Variants in ABCC4 observed in about 807,000 individuals in gnomAD.
The protein encoded by ABCC4 is ATP binding cassette subfamily C member 4 (PEL blood group).
Under a neutral mutation model 168.5 loss-of-function variants are expected in ABCC4, and 102 were observed. That is an observed-to-expected ratio of 0.61 (90% CI 0.52 to 0.71). The LOEUF (loss-of-function observed/expected upper bound fraction) is 0.71. ABCC4 is among the 30% of genes least tolerant of loss of function. The probability of loss-of-function intolerance (pLI) is 0.00; values close to 1 mark genes in which losing one functional copy is unlikely to be tolerated. For synonymous variants in ABCC4, 617 were observed against 590.7 expected (o/e 1.04, Z -0.65); for missense variants, 1,402 against 1,605.8 (o/e 0.87, Z 2.17).
chr13:95,100,163 G>A (rs1286178010), intron 20 of ABCC4, among the ~76,000 whole-genome samples: 1 of 152,154 alleles, frequency 6.6e-6, no homozygotes, highest in African/African-American at 2.4e-5. Context: ...AAAGCACCAC[G>A]AATGGCCACT....
chr13:95,179,517 T>A (rs2037820514), intron 11 of ABCC4, among the ~76,000 whole-genome samples: 1 of 152,190 alleles, frequency 6.6e-6, no homozygotes, highest in African/African-American at 2.4e-5. Context: ...TGACAAAGCA[T>A]AATACTTTTT....
intron 11 of ABCC4, among the ~76,000 whole-genome samples, chr13:95,181,637 C>T (rs2037897212): frequency 6.6e-6 from 1 of 152,204 alleles, no homozygotes; most frequent in Non-Finnish European, 1.5e-5. Context: ...GTTCCTGATG[C>T]CTGGTGTTAT....
intron 11 of ABCC4, among the ~76,000 whole-genome samples, chr13:95,184,987 T>C (rs1407963926): frequency 6.6e-6 from 1 of 152,162 alleles, no homozygotes; most frequent in Non-Finnish European, 1.5e-5. Flanking sequence ...GCAAAATTTC[T>C]CTAAAATGGA....
intron 1 of ABCC4, among the ~76,000 whole-genome samples, chr13:95,254,038 C>A (rs893305897): frequency 6.6e-6 from 1 of 152,066 alleles, no homozygotes; most frequent in Non-Finnish European, 1.5e-5. Context: ...GATAACAAGG[C>A]ACGTGCTACC....
At chr13:95,263,562 C>T (rs2040590297) in intron 1 of ABCC4, among the ~76,000 whole-genome samples, 1 of 152,192 alleles carries the variant, frequency 6.6e-6, no homozygotes, top group Non-Finnish European at 1.5e-5. Context: ...GTGGCTCACG[C>T]CTGTAATCCC....
At position 95,062,688 on chromosome 13, in the gene ABCC4, G is replaced by A. The variant is rs11568656; in HGVS notation, c.3366+16C>T. On this transcript the variant is annotated intron_variant, in intron 26 of 30. Coordinates refer to ENST00000645237, the MANE Select transcript of ABCC4 (RefSeq NM_005845.5). ...TCTTATAAAAGGGGCAGGTAAGGAC[G>A]CTATGACTTGCATACCTGAGGTATG... is the stretch of plus-strand genomic sequence containing the variant. The A allele has an allele frequency of 6.1e-5, 98 of 1,609,986 alleles. No homozygotes were observed. The highest frequency in any genetic ancestry group is 4.9e-4 in the Middle Eastern group (3 of 6,066).
chr13:95,139,011 C>T (rs1361369846), intron 19 of ABCC4, among the ~76,000 whole-genome samples: 2 of 152,186 alleles, frequency 1.3e-5, no homozygotes, highest in African/African-American at 4.8e-5. Context: ...GGCTTGTCTC[C>T]TGTACTCCCG....
intron 3 of ABCC4, among the ~76,000 whole-genome samples, chr13:95,245,793 C>T (rs2040088307): frequency 6.6e-6 from 1 of 151,564 alleles, no homozygotes; most frequent in African/African-American, 2.4e-5. Context: ...AGCTCACCTA[C>T]CTGCCTCCCA....
chr13:95,245,236 G>C (rs1285484310), intron 3 of ABCC4, among the ~76,000 whole-genome samples: 1 of 152,212 alleles, frequency 6.6e-6, no homozygotes, highest in Non-Finnish European at 1.5e-5. Context: ...TTCATAAGCA[G>C]CTGGTGACAA....
intron 30 of ABCC4, among the ~76,000 whole-genome samples, chr13:95,031,966 A>C (rs1421533771): frequency 1.3e-5 from 2 of 152,248 alleles, no homozygotes; most frequent in Non-Finnish European, 2.9e-5. Flanking sequence ...TGAGGTACCA[A>C]AGAACAAAAA....
chr13:95,075,577 C>T, intron 21 of ABCC4, 26 bp from the exon 22 acceptor site: 3 of 1,613,322 alleles, frequency 1.9e-6, no homozygotes, highest in Non-Finnish European at 2.5e-6. Context: ...GAGAAAACAG[C>T]TCAGTGAGGC....
In ABCC4 at chr13:95,170,541, T is replaced by A. The variant is rs759388138; in HGVS notation, c.1815A>T (p.Ile605=). ...QYLKAASQIL[I]LKDGKMVQKG... Reference sequence around the variant, plus strand: ...TCTAGAAACTACTTACATCTTTCAATATCAGAATCTGACTTGCAGCTTTGA... The same window carrying A: ...TCTAGAAACTACTTACATCTTTCAAAATCAGAATCTGACTTGCAGCTTTGA... The change falls in exon 14 of 31, where the codon ATA becomes ATT. Residue 605 remains isoleucine (I), a synonymous_variant. Coordinates refer to ENST00000645237, the MANE Select transcript of ABCC4 (RefSeq NM_005845.5). 3 of 1,609,566 alleles carry A rather than the reference T, an allele frequency of 1.9e-6. No homozygotes were observed. In the Admixed American group the frequency reaches 5.1e-5, roughly 27 times the overall value.
intron 19 of ABCC4, among the ~76,000 whole-genome samples, chr13:95,127,261 T>C (rs546764891): frequency 8.5e-4 from 129 of 152,258 alleles, no homozygotes; most frequent in Non-Finnish European, 1.5e-3. Context: ...GATATTTATG[T>C]ATGCTGGCTT....
intron 25 of ABCC4, among the ~76,000 whole-genome samples, chr13:95,065,328 G>C (rs1028175820): frequency 2.0e-5 from 3 of 152,118 alleles, no homozygotes; most frequent in Admixed American, 2.0e-4. Context: ...AAGTGAATTC[G>C]AAAAATAAAT....
chr13:95,112,830 C>A (rs2035249680), intron 20 of ABCC4, among the ~76,000 whole-genome samples: 1 of 152,130 alleles, frequency 6.6e-6, no homozygotes, highest in Non-Finnish European at 1.5e-5. Flanking sequence ...AAACCCAGGG[C>A]CCGTGATGTC....
rs1594454726 is a variant in ABCC4, at chr13:95,292,273, G to A, written c.74+8968C>T. Among the ~76,000 whole-genome samples, 4 of 152,168 alleles carry A rather than the reference G, an allele frequency of 2.6e-5. No homozygotes were observed. In the South Asian group the frequency reaches 8.3e-4, roughly 32 times the overall value. On this transcript the variant is annotated intron_variant, in intron 1 of 30. Coordinates refer to ENST00000645237, the MANE Select transcript of ABCC4 (RefSeq NM_005845.5). ...ACTCAGGGGGCTGAGGTGGAAGGAT[G>A]GCTTGAGCCCAGGAGGTGAAAGTTG...
chr13:95,064,260 G>GTATATATATATATATA (rs753635232), intron 25 of ABCC4, among the ~76,000 whole-genome samples: 7 of 21,492 alleles, frequency 3.3e-4, no homozygotes, highest in East Asian at 1.4e-3. Flanking sequence ...GTGTGTGTGT[G>GTATATATATATATATA]TATATATATA....
chr13:95,079,453 C>T (rs1013250505), intron 21 of ABCC4, among the ~76,000 whole-genome samples: 3 of 152,144 alleles, frequency 2.0e-5, no homozygotes, highest in Non-Finnish European at 4.4e-5. Context: ...TGGTAGTTCC[C>T]GTATGTTCAA....
intron 20 of ABCC4, among the ~76,000 whole-genome samples, chr13:95,114,941 T>A (rs1173973075): frequency 6.6e-6 from 1 of 152,192 alleles, no homozygotes; most frequent in Non-Finnish European, 1.5e-5. Context: ...TAAATTCAGC[T>A]AATGATTACA....
Sources: gnomAD v4.1 joint callset for allele counts (sites outside exome capture counted in the v4.1 genomes callset) on GRCh38, gnomAD v4.1.1 for gene constraint, MANE v1.5 for transcripts, NCBI Gene and HGNC (gene_info 2026-07-23, HGNC 2026-07-21) for gene names.